Variants in AK5 observed in about 807,000 individuals in gnomAD.
AK5 encodes the protein adenylate kinase 5, also known as adenylate kinase isoenzyme 5.
In AK5, 27 loss-of-function variants were observed where a neutral mutation model predicts 69.5. That is an observed-to-expected ratio of 0.39 (90% confidence interval 0.29 to 0.54). The LOEUF is 0.54. Ranked by LOEUF, AK5 falls within the 20% of genes least tolerant of loss-of-function variation. The pLI is 0.71. For synonymous variants in AK5, 260 were observed against 244.4 expected, an observed-to-expected ratio of 1.06 and a Z score of -0.60; for missense variants, 531 against 700.4, an observed-to-expected ratio of 0.76 and a Z score of 2.73.
chr1:77,511,235 G>C (rs985921562), intron 10 of AK5, among the ~76,000 whole-genome samples: 9 of 152,010 alleles, frequency 5.9e-5, no homozygotes, highest in Admixed American at 2.0e-4. Context: ...GTGTGGACTG[G>C]GGAAAACTGA....
intron 6 of AK5, among the ~76,000 whole-genome samples, chr1:77,388,885 C>T (rs1648231218): frequency 6.6e-6 from 1 of 152,106 alleles, no homozygotes; most frequent in Non-Finnish European, 1.5e-5. Context: ...GTCTGAATCA[C>T]AGACCGCAAA....
intron 10 of AK5, among the ~76,000 whole-genome samples, chr1:77,504,623 A>G (rs1656925788): frequency 6.6e-6 from 1 of 152,178 alleles, no homozygotes; most frequent in Admixed American, 6.5e-5. Context: ...ACAAGTCTTA[A>G]GTATTCTGTT....
intron 8 of AK5, among the ~76,000 whole-genome samples, chr1:77,449,901 A>G (rs1253713018): frequency 6.6e-6 from 1 of 152,168 alleles, no homozygotes; most frequent in African/African-American, 2.4e-5. Context: ...TTGCAATGTC[A>G]TGCTACAAAT....
chr1:77,536,134 A>C, intron 13 of AK5, 96 bp downstream of exon 13: 2 of 1,341,534 alleles, frequency 1.5e-6, no homozygotes, highest in Non-Finnish European at 2.0e-6. Flanking sequence ...TAGTTAAGGG[A>C]TCTGGGAATT....
intron 6 of AK5, among the ~76,000 whole-genome samples, chr1:77,401,362 A>C: frequency 6.6e-6 from 1 of 152,220 alleles, no homozygotes; most frequent in East Asian, 1.9e-4. Flanking sequence ...TCAGTAACAA[A>C]CAAGAAATGC....
intron 6 of AK5, among the ~76,000 whole-genome samples, chr1:77,370,901 C>A (rs1341901869): frequency 6.6e-6 from 1 of 152,188 alleles, no homozygotes; most frequent in African/African-American, 2.4e-5. Context: ...GTTATTCTGG[C>A]TGTCCATTGC....
At chr1:77,480,924 G>A (rs149566463) in intron 8 of AK5, among the ~76,000 whole-genome samples, 869 of 152,338 alleles carry the variant, frequency 5.7e-3, no homozygotes, top group Middle Eastern at 0.01. Flanking sequence ...AGCCCTCTGA[G>A]GAGAAGCAGG....
chr1:77,491,356 G>A (rs944318666), intron 10 of AK5, among the ~76,000 whole-genome samples: 4 of 140,168 alleles, frequency 2.9e-5, no homozygotes, highest in African/African-American at 1.1e-4. Flanking sequence ...TCCCAGGCTG[G>A]AGTGCAGTGG....
chr1:77,553,899 A>C (rs754117658), intron 13 of AK5, among the ~76,000 whole-genome samples: 2 of 152,134 alleles, frequency 1.3e-5, no homozygotes, highest in Non-Finnish European at 2.9e-5. Context: ...GATTTGCTGA[A>C]AAGAGATGAG....
chr1:77,386,467 G>C (rs1189044648), intron 6 of AK5, among the ~76,000 whole-genome samples: 1 of 152,150 alleles, frequency 6.6e-6, no homozygotes, highest in Non-Finnish European at 1.5e-5. Flanking sequence ...GCACACAGGA[G>C]CAGAGGCAGG....
At chr1:77,484,135 T>C (rs1655440106) in intron 9 of AK5, among the ~76,000 whole-genome samples, 1 of 147,508 alleles carries the variant, frequency 6.8e-6, no homozygotes, top group Admixed American at 7.1e-5. Flanking sequence ...ATTGCACTCT[T>C]GGCGACAGAG....
intron 10 of AK5, among the ~76,000 whole-genome samples, chr1:77,506,030 T>C (rs1199708065): frequency 1.3e-5 from 2 of 152,190 alleles, no homozygotes; most frequent in Non-Finnish European, 2.9e-5. Context: ...TTTAAAAATC[T>C]GGAAGAGGCA....
intron 9 of AK5, among the ~76,000 whole-genome samples, chr1:77,484,109 G>A (rs1172593435): frequency 6.7e-6 from 1 of 150,058 alleles, no homozygotes; most frequent in Non-Finnish European, 1.5e-5. Flanking sequence ...AGGTTTCAGT[G>A]AGCCAAGTTT....
At chr1:77,312,480 T>A (rs1209178925) in intron 5 of AK5, among the ~76,000 whole-genome samples, 1 of 151,994 alleles carries the variant, frequency 6.6e-6, no homozygotes, top group Non-Finnish European at 1.5e-5. Flanking sequence ...CCAGGCGTGG[T>A]GGCACATGCC....
At chr1:77,376,433 C>CA (rs757594684) in intron 6 of AK5, among the ~76,000 whole-genome samples, 460 of 13,332 alleles carry the variant, frequency 0.035, 36 homozygotes, top group African/African-American at 0.088. Context: ...CACTCAATGC[C>CA]AAAAAAAAAA....
intron 10 of AK5, among the ~76,000 whole-genome samples, chr1:77,515,312 C>T (rs1247905598): frequency 3.3e-5 from 5 of 152,112 alleles, no homozygotes. Context: ...AGGGGCCCTT[C>T]TATTAGAAAG....
chr1:77,510,201 G>A (rs947895534), intron 10 of AK5, among the ~76,000 whole-genome samples: 3 of 152,178 alleles, frequency 2.0e-5, no homozygotes, highest in East Asian at 1.9e-4. Flanking sequence ...GCCAGGTTCT[G>A]TGGGGATGCC....
At chr1:77,462,849 C>T (rs1361618099) in intron 8 of AK5, among the ~76,000 whole-genome samples, 2 of 152,126 alleles carry the variant, frequency 1.3e-5, no homozygotes, top group Non-Finnish European at 2.9e-5. Flanking sequence ...TTACTGATAA[C>T]TTGAACCCTG....
At chr1:77,453,609 G>A (rs1445596456) in intron 8 of AK5, among the ~76,000 whole-genome samples, 1 of 152,138 alleles carries the variant, frequency 6.6e-6, no homozygotes, top group Non-Finnish European at 1.5e-5. Context: ...CATTGTGTAA[G>A]AGTTTTTCTA....
Sources: gnomAD v4.1 joint callset for allele counts (sites outside exome capture counted in the v4.1 genomes callset) on GRCh38, gnomAD v4.1.1 for gene constraint, MANE v1.5 for transcripts, NCBI Gene and HGNC (gene_info 2026-07-23, HGNC 2026-07-21) for gene names.